Variants in TNIK observed in about 807,000 individuals in gnomAD.
TNIK encodes TRAF2 and NCK-interacting protein kinase.
TNIK carries 49 observed loss-of-function variants against 191.3 expected under a neutral mutation model. The ratio of observed to expected loss-of-function variants is 0.26; its 90% CI spans 0.20 to 0.32. TNIK has a LOEUF of 0.32. TNIK is among the 10% of genes least tolerant of loss of function. TNIK has a pLI of 1.00. For synonymous variants in TNIK, 594 were observed against 600.9 expected (o/e 0.99, Z 0.17); for missense variants, 1,155 against 1,702.3 (o/e 0.68, Z 5.66).
chr3:171,087,542 G>T (rs1295035933), intron 23 of TNIK, 36 bp from the exon 24 acceptor site: 2 of 1,603,318 alleles, frequency 1.2e-6, no homozygotes, highest in South Asian at 1.1e-5. Flanking sequence ...AGTTAGAGAG[G>T]GGGGAAAAAG....
chr3:171,116,459 C>CAATT (rs1461605300), intron 18 of TNIK, among the ~76,000 whole-genome samples: 2 of 152,192 alleles, frequency 1.3e-5, no homozygotes, highest in African/African-American at 4.8e-5. Flanking sequence ...GAAAATGTGG[C>CAATT]AATTATTCCA....
At chr3:171,340,159 T>G (rs1189342943) in intron 2 of TNIK, among the ~76,000 whole-genome samples, 1 of 152,216 alleles carries the variant, frequency 6.6e-6, no homozygotes, top group Non-Finnish European at 1.5e-5. Context: ...ATACTTTACA[T>G]GAAGTATGAT....
Position 171,174,113 on chromosome 3 carries a change from G to A in TNIK, c.773+1139C>T, listed in dbSNP as rs187067657. Reference sequence around the variant, plus strand: ...CCCTCGCAGGGCCCGGCAATTCTGAGGCTGCCATCTCTTTTCTGGCTGTTT... The same window carrying A: ...CCCTCGCAGGGCCCGGCAATTCTGAAGCTGCCATCTCTTTTCTGGCTGTTT... On this transcript the variant is annotated intron_variant, in intron 9 of 32. Coordinates refer to ENST00000436636, the MANE Select transcript of TNIK (RefSeq NM_015028.4). Among the ~76,000 whole-genome samples, 36 of 152,280 alleles carry A rather than the reference G, an allele frequency of 2.4e-4. 1 individual carries two copies. The highest frequency in any genetic ancestry group is 1.7e-3 in the Admixed American group (26 of 15,292).
intron 2 of TNIK, among the ~76,000 whole-genome samples, chr3:171,344,207 T>C (rs1038524687): frequency 2.0e-5 from 3 of 152,214 alleles, no homozygotes; most frequent in Non-Finnish European, 4.4e-5. Context: ...TACGTTCACA[T>C]TTCTGGGAGT....
chr3:171,394,348 T>C (rs954962589), intron 1 of TNIK, among the ~76,000 whole-genome samples: 12 of 152,234 alleles, frequency 7.9e-5, no homozygotes, highest in Admixed American at 4.6e-4. Flanking sequence ...TGCTCAAGTA[T>C]TGACTACCTG....
chr3:171,097,850 G>A lies in TNIK; in HGVS notation c.2591+3599C>T, dbSNP rs1238675493. ...ATGGGAATTTACAAACAAGCAAGGG[G>A]AGGTGGAGGCATGTCAGTCAAAGAG... On this transcript the variant is annotated intron_variant, in intron 22 of 32. Coordinates refer to ENST00000436636, the MANE Select transcript of TNIK (RefSeq NM_015028.4). 3.9e-5 allele frequency among the ~76,000 whole-genome samples: 6 copies of A among 152,338 alleles called. No homozygotes were observed. In the South Asian group the frequency reaches 6.2e-4, roughly 16 times the overall value.
At chr3:171,265,767 G>C (rs537862162) in intron 2 of TNIK, among the ~76,000 whole-genome samples, 1 of 152,308 alleles carries the variant, frequency 6.6e-6, no homozygotes, top group Non-Finnish European at 1.5e-5. Flanking sequence ...GAGGGAAAGT[G>C]GAATCTTAAA....
chr3:171,135,098 G>C (rs2108609220), intron 15 of TNIK, among the ~76,000 whole-genome samples: 1 of 152,268 alleles, frequency 6.6e-6, no homozygotes, highest in East Asian at 1.9e-4. Context: ...TTGAAAAAAA[G>C]AAAATGGCAT....
chr3:171,241,374 C>T (rs1006635677), intron 2 of TNIK, among the ~76,000 whole-genome samples: 1 of 152,150 alleles, frequency 6.6e-6, no homozygotes, highest in Non-Finnish European at 1.5e-5. Flanking sequence ...TCTGATAGAA[C>T]AAGTACTGTT....
chr3:171,322,069 C>T (rs887385145), intron 2 of TNIK, among the ~76,000 whole-genome samples: 2 of 152,114 alleles, frequency 1.3e-5, no homozygotes, highest in Admixed American at 1.3e-4. Context: ...TGTACATTTG[C>T]ATTATTTTAA....
chr3:171,276,016 G>C (rs1001901026), intron 2 of TNIK, among the ~76,000 whole-genome samples: 1 of 152,092 alleles, frequency 6.6e-6, no homozygotes, highest in East Asian at 1.9e-4. Context: ...CAAGCCTGAA[G>C]ACTGCAGACA....
chr3:171,147,012 C>G (rs568421498), intron 12 of TNIK, among the ~76,000 whole-genome samples: 1 of 152,072 alleles, frequency 6.6e-6, no homozygotes, highest in African/African-American at 2.4e-5. Flanking sequence ...TCTGTTCATT[C>G]TAAGAGTCTG....
intron 1 of TNIK, among the ~76,000 whole-genome samples, chr3:171,422,651 C>T (rs1037907281): frequency 6.6e-6 from 1 of 152,188 alleles, no homozygotes; most frequent in East Asian, 1.9e-4. Context: ...GTGCTATGCA[C>T]TGAGATACAA....
intron 9 of TNIK, among the ~76,000 whole-genome samples, chr3:171,171,466 C>T (rs1233769342): frequency 6.6e-6 from 1 of 152,232 alleles, no homozygotes; most frequent in Non-Finnish European, 1.5e-5. Context: ...AAATACACCA[C>T]TTAGCCTCAC....
intron 2 of TNIK, among the ~76,000 whole-genome samples, chr3:171,292,408 G>C (rs1462802434): frequency 6.6e-6 from 1 of 152,174 alleles, no homozygotes; most frequent in Non-Finnish European, 1.5e-5. Context: ...ACCCTGTCTT[G>C]TGTGCAGGAG....
At chr3:171,412,743 T>C (rs1445164064) in intron 1 of TNIK, among the ~76,000 whole-genome samples, 2 of 152,242 alleles carry the variant, frequency 1.3e-5, no homozygotes, top group African/African-American at 2.4e-5. Context: ...GTGCTAGATA[T>C]GTGACTTTAG....
chr3:171,446,016 C>A (rs1172754270), intron 1 of TNIK, among the ~76,000 whole-genome samples: 1 of 152,184 alleles, frequency 6.6e-6, no homozygotes, highest in Admixed American at 6.5e-5. Flanking sequence ...CAAGCAGAGT[C>A]ATCGAGTGCA....
chr3:171,203,960 C>T (rs754716079), intron 4 of TNIK, among the ~76,000 whole-genome samples: 2 of 152,134 alleles, frequency 1.3e-5, no homozygotes, highest in South Asian at 2.1e-4. Flanking sequence ...TTTCCTGTTA[C>T]GAGATATTCT....
At chr3:171,217,973 G>C (rs1017402630) in intron 3 of TNIK, among the ~76,000 whole-genome samples, 2 of 152,094 alleles carry the variant, frequency 1.3e-5, no homozygotes, top group South Asian at 4.1e-4. Context: ...GTGCCATAAA[G>C]AGAAAAATAA....
Sources: allele counts gnomAD v4.1 joint callset (sites outside exome capture counted in the v4.1 genomes callset), GRCh38; gene constraint gnomAD v4.1.1; transcripts MANE v1.5; gene names NCBI Gene and HGNC (gene_info 2026-07-23, HGNC 2026-07-21).